The following GTF2F2 variants were observed in gnomAD, a reference collection of about 807,000 sequenced individuals.
GTF2F2 encodes the protein ATP-dependent helicase GTF2F2.
Under a neutral mutation model 42.2 loss-of-function variants are expected in GTF2F2, and 23 were observed. The ratio of observed to expected loss-of-function variants is 0.55; its 90% CI spans 0.39 to 0.77. The LOEUF (loss-of-function observed/expected upper bound fraction) is 0.77, where lower values mean the gene tolerates loss of function less well. Among genes scored for constraint, GTF2F2 ranks in the 30% least tolerant of loss-of-function variants. The probability of loss-of-function intolerance (pLI) is 0.00; values close to 1 mark genes in which losing one functional copy is unlikely to be tolerated. For missense variants in GTF2F2, 261 were observed against 287.2 expected, an observed-to-expected ratio of 0.91 and a Z score of 0.66; for synonymous variants, 105 against 100.8, an observed-to-expected ratio of 1.04 and a Z score of -0.25.
chr13:45,274,609 A>G (rs780580042), intron 7 of GTF2F2, among the ~76,000 whole-genome samples: 2 of 152,124 alleles, frequency 1.3e-5, no homozygotes, highest in East Asian at 1.9e-4. Flanking sequence ...GATTACAGGC[A>G]TGAGCCACCA....
intron 6 of GTF2F2, among the ~76,000 whole-genome samples, chr13:45,260,956 T>G (rs1376275728): frequency 6.6e-6 from 1 of 152,056 alleles, no homozygotes; most frequent in Non-Finnish European, 1.5e-5. Flanking sequence ...TGAAACCCTG[T>G]CTCTAATAAA....
chr13:45,230,736 G>A (rs746084639), intron 5 of GTF2F2, among the ~76,000 whole-genome samples: 1 of 152,096 alleles, frequency 6.6e-6, no homozygotes, highest in African/African-American at 2.4e-5. Flanking sequence ...TTTGAACTAG[G>A]GTTTTTATTT....
chr13:45,151,586 G>A (rs1443589516), intron 3 of GTF2F2, 101 bp from the exon 4 acceptor site: 2 of 698,106 alleles, frequency 2.9e-6, no homozygotes, highest in Non-Finnish European at 4.6e-6. Context: ...TGAAATGACT[G>A]GAAAACACAT....
chr13:45,131,365 A>G (rs1325786147), intron 1 of GTF2F2, among the ~76,000 whole-genome samples: 1 of 152,158 alleles, frequency 6.6e-6, no homozygotes, highest in East Asian at 1.9e-4. Flanking sequence ...GAGTGTGATT[A>G]CTCAGATGCC....
At chr13:45,212,476 T>TTTCTTTC (rs1566137150) in intron 5 of GTF2F2, among the ~76,000 whole-genome samples, 7 of 133,688 alleles carry the variant, frequency 5.2e-5, no homozygotes, top group Non-Finnish European at 9.7e-5. Flanking sequence ...TCTTTCTTTC[T>TTTCTTTC]TTCTTTCTTT....
intron 5 of GTF2F2, among the ~76,000 whole-genome samples, chr13:45,244,245 A>G (rs1027447218): frequency 1.2e-4 from 19 of 152,208 alleles, no homozygotes; most frequent in Non-Finnish European, 2.6e-4. Context: ...AGTTTTTATT[A>G]GAGATTTTAT....
At chr13:45,279,255 A>G (rs991323931) in intron 7 of GTF2F2, among the ~76,000 whole-genome samples, 1 of 152,172 alleles carries the variant, frequency 6.6e-6, no homozygotes, top group Non-Finnish European at 1.5e-5. Flanking sequence ...GAATATATGA[A>G]TGTTAAAAAG....
intron 4 of GTF2F2, among the ~76,000 whole-genome samples, chr13:45,205,368 A>G (rs1052880885): frequency 1.3e-5 from 2 of 152,154 alleles, no homozygotes; most frequent in Non-Finnish European, 2.9e-5. Context: ...TGATCCAGTC[A>G]CTTCCCTCCC....
intron 5 of GTF2F2, among the ~76,000 whole-genome samples, chr13:45,243,441 G>A (rs1442076333): frequency 6.6e-6 from 1 of 152,196 alleles, no homozygotes; most frequent in Non-Finnish European, 1.5e-5. Flanking sequence ...ACTAATGCCT[G>A]ATGATCTGGG....
chr13:45,242,529 T>C (rs1029429920), intron 5 of GTF2F2, among the ~76,000 whole-genome samples: 6 of 152,166 alleles, frequency 3.9e-5, no homozygotes, highest in African/African-American at 9.7e-5. Context: ...TGGAGTGATA[T>C]ATTTATGTTT....
intron 4 of GTF2F2, among the ~76,000 whole-genome samples, chr13:45,204,068 A>T (rs1361268115): frequency 3.9e-5 from 6 of 152,166 alleles, no homozygotes; most frequent in Non-Finnish European, 1.5e-5. Flanking sequence ...GGTAGATATC[A>T]GCAGTTAAAA....
rs114662673 is a variant in GTF2F2 at position 45,274,272 on chromosome 13, C to A, written c.630+6896C>A. On this transcript the variant is annotated intron_variant, in intron 7 of 7. Transcript: ENST00000340473. The stretch of plus-strand genomic sequence containing the variant: ...TAATTTGTTTTATAAGCTGAAGCAG[C>A]CTCCCTTTTTCCTCTCAATTTAAAA... Among the ~76,000 whole-genome samples the A allele has an allele frequency of 3.9e-4, 59 of 151,384 alleles. No individual in the cohort carries two copies. In the South Asian group the frequency reaches 0.012, roughly 31 times the overall value.
intron 4 of GTF2F2, among the ~76,000 whole-genome samples, chr13:45,177,238 A>T (rs990217887): frequency 6.6e-6 from 1 of 152,068 alleles, no homozygotes; most frequent in African/African-American, 2.4e-5. Context: ...CTATTTACTG[A>T]AGTACAGGTC....
At chr13:45,190,362 AT>A (rs1207792123) in intron 4 of GTF2F2, among the ~76,000 whole-genome samples, 1 of 152,188 alleles carries the variant, frequency 6.6e-6, no homozygotes, top group African/African-American at 2.4e-5. Context: ...GCAAACCTAT[AT>A]TTTGGTATTC....
At chr13:45,132,859 A>G (rs1447308917) in intron 1 of GTF2F2, among the ~76,000 whole-genome samples, 1 of 152,042 alleles carries the variant, frequency 6.6e-6, no homozygotes, top group Non-Finnish European at 1.5e-5. Flanking sequence ...AAGTGAAAAG[A>G]GAACATTTGA....
intron 5 of GTF2F2, among the ~76,000 whole-genome samples, chr13:45,215,576 A>G (rs1326148278): frequency 1.3e-5 from 2 of 152,038 alleles, no homozygotes; most frequent in African/African-American, 4.8e-5. Context: ...CCTGGCCAAC[A>G]TGGTGAAACC....
intron 4 of GTF2F2, among the ~76,000 whole-genome samples, chr13:45,174,496 C>G (rs1481951033): frequency 6.6e-6 from 1 of 151,936 alleles, no homozygotes; most frequent in Non-Finnish European, 1.5e-5. Flanking sequence ...GTAACTTTTT[C>G]TTTTATAATT....
At chr13:45,229,763 T>C (rs1192115992) in intron 5 of GTF2F2, among the ~76,000 whole-genome samples, 2 of 152,138 alleles carry the variant, frequency 1.3e-5, no homozygotes, top group South Asian at 2.1e-4. Context: ...TTGAGAAATA[T>C]TCAGAACACT....
At chr13:45,245,833 C>T (rs1388879117) in intron 5 of GTF2F2, among the ~76,000 whole-genome samples, 2 of 143,556 alleles carry the variant, frequency 1.4e-5, no homozygotes, top group Non-Finnish European at 3.0e-5. Flanking sequence ...CCCAGCTACT[C>T]GGGAGGCTGA....
Sources: allele counts gnomAD v4.1 joint callset (sites outside exome capture counted in the v4.1 genomes callset), GRCh38; gene constraint gnomAD v4.1.1; transcripts MANE v1.5; gene names NCBI Gene and HGNC (gene_info 2026-07-23, HGNC 2026-07-21).